The following GRB14 variants were observed in gnomAD, a reference collection of about 807,000 sequenced individuals.
The protein encoded by GRB14 is growth factor receptor bound protein 14.
In GRB14, 38 loss-of-function variants were observed where a neutral mutation model predicts 69.1. The observed-to-expected ratio is 0.55, with a 90% CI of 0.42 to 0.72. GRB14 has a LOEUF of 0.72. GRB14 is among the 30% of genes least tolerant of loss of function. The probability of loss-of-function intolerance (pLI) is 0.00; values close to 1 mark genes in which losing one functional copy is unlikely to be tolerated. For synonymous variants in GRB14, 247 were observed against 241.3 expected (o/e 1.02, Z -0.22); for missense variants, 666 against 666.1 (o/e 1.00, Z 0.00).
At chr2:164,558,340 A>G (rs997587770) in intron 2 of GRB14, among the ~76,000 whole-genome samples, 2 of 152,248 alleles carry the variant, frequency 1.3e-5, no homozygotes, top group African/African-American at 2.4e-5. Context: ...AGAAAAAAAG[A>G]TAAAAGAAAC....
At position 164,524,827 on chromosome 2, in the gene GRB14, A is replaced by G. The variant is rs1315481498; in HGVS notation, c.678+177T>C. On this transcript the variant is annotated intron_variant, in intron 5 of 13. Coordinates refer to ENST00000263915, the MANE Select transcript of GRB14 (RefSeq NM_004490.3). ...AAGAAGAATATTGTTAAAGAGCTTT[A>G]TTGATTTAGGACATTCTTTGCCTGG... Among the ~76,000 whole-genome samples the G allele has an allele frequency of 2.0e-5, 3 of 152,136 alleles. No homozygotes were observed. The East Asian group carries it at 5.8e-4, about 29-fold the overall frequency.
At chr2:164,555,925 TA>T (rs1328211964) in intron 2 of GRB14, among the ~76,000 whole-genome samples, 3 of 151,944 alleles carry the variant, frequency 2.0e-5, no homozygotes, top group Non-Finnish European at 4.4e-5. Context: ...TTTTCTTTAT[TA>T]TTTTTAATAG....
intron 2 of GRB14, among the ~76,000 whole-genome samples, chr2:164,552,472 A>G (rs1688567094): frequency 6.6e-6 from 1 of 152,162 alleles, no homozygotes; most frequent in African/African-American, 2.4e-5. Flanking sequence ...ATTAATTCCC[A>G]TTTTTATGCT....
chr2:164,556,529 CCT>C (rs1688681790), intron 2 of GRB14, among the ~76,000 whole-genome samples: 2 of 152,160 alleles, frequency 1.3e-5, no homozygotes, highest in South Asian at 4.1e-4. Context: ...ACAATCCTGT[CCT>C]CTGACTCCAA....
chr2:164,584,975 T>C (rs982342425), intron 2 of GRB14, among the ~76,000 whole-genome samples: 5 of 145,894 alleles, frequency 3.4e-5, no homozygotes, highest in African/African-American at 5.2e-5. Context: ...GGAGTCTCAC[T>C]CTGTTACCTA....
intron 2 of GRB14, among the ~76,000 whole-genome samples, chr2:164,584,974 C>T (rs2105341188): frequency 6.9e-6 from 1 of 144,282 alleles, no homozygotes; most frequent in African/African-American, 2.7e-5. Flanking sequence ...TGGAGTCTCA[C>T]TCTGTTACCT....
At chr2:164,541,654 C>G (rs1433714610) in intron 3 of GRB14, among the ~76,000 whole-genome samples, 1 of 151,776 alleles carries the variant, frequency 6.6e-6, no homozygotes, top group Non-Finnish European at 1.5e-5. Context: ...TAAATAGATA[C>G]TATGCCCTTC....
chr2:164,576,708 G>T (rs140137154), intron 2 of GRB14, among the ~76,000 whole-genome samples: 2 of 150,082 alleles, frequency 1.3e-5, no homozygotes, highest in Non-Finnish European at 3.0e-5. Flanking sequence ...TTAAATACAG[G>T]TATATTAAAC....
At chr2:164,534,550 C>A (rs989410342) in intron 3 of GRB14, among the ~76,000 whole-genome samples, 2 of 152,064 alleles carry the variant, frequency 1.3e-5, no homozygotes, top group Admixed American at 1.3e-4. Flanking sequence ...TGAAATGTTG[C>A]TGAAGACCAA....
chr2:164,492,477 TTCAAAATGGTTTAAAGCTACTATC>T lies in GRB14; in HGVS notation c.*535_*558del, dbSNP rs1208429947. The stretch of plus-strand genomic sequence containing the variant: ...AATTACCTGGAAAAAATCAACATAT[TTCAAAATGGTTTAAAGCTACTATC>T]TCAAAATATGATTTCATTTTAAGAT... On this transcript the variant is annotated 3_prime_UTR_variant, in exon 14 of 14. Transcript: ENST00000263915. Among the ~76,000 whole-genome samples the T allele has an allele frequency of 1.3e-5, 2 of 151,938 alleles. No individual in the cohort carries two copies. Among genetic ancestry groups the T allele is most frequent in the African/African-American group, 4.8e-5 (2 of 41,444 alleles).
chr2:164,577,790 A>G (rs918536658), intron 2 of GRB14, among the ~76,000 whole-genome samples: 1 of 152,216 alleles, frequency 6.6e-6, no homozygotes, highest in Non-Finnish European at 1.5e-5. Context: ...AAAGAATAAG[A>G]CTTTCTAAAA....
At chr2:164,617,005 TAG>T (rs1226301654) in intron 2 of GRB14, among the ~76,000 whole-genome samples, 1 of 152,194 alleles carries the variant, frequency 6.6e-6, no homozygotes, top group Non-Finnish European at 1.5e-5. Flanking sequence ...CTCACTTACA[TAG>T]AGTCATCTAT....
intron 2 of GRB14, among the ~76,000 whole-genome samples, chr2:164,550,352 T>C (rs1015800275): frequency 2.0e-5 from 3 of 152,206 alleles, no homozygotes; most frequent in Non-Finnish European, 4.4e-5. Flanking sequence ...TGAAAACCCA[T>C]ATAAGACTCT....
chr2:164,510,754 A>G (rs1687318766), intron 6 of GRB14, among the ~76,000 whole-genome samples: 1 of 152,188 alleles, frequency 6.6e-6, no homozygotes, highest in Non-Finnish European at 1.5e-5. Flanking sequence ...GGTGAGTCTC[A>G]GTCCTGGTGC....
chr2:164,543,927 CG>C (rs1688300933), intron 3 of GRB14, among the ~76,000 whole-genome samples: 1 of 152,124 alleles, frequency 6.6e-6, no homozygotes, highest in African/African-American at 2.4e-5. Flanking sequence ...CCTCTTACAT[CG>C]GTAAAGAACT....
chr2:164,574,028 T>G, intron 2 of GRB14: 2 of 1,381,530 alleles, frequency 1.4e-6, no homozygotes, highest in Non-Finnish European at 2.1e-6. Flanking sequence ...TAACATAGAT[T>G]GTTGCAGCAA....
At chr2:164,562,394 A>G (rs1251317214) in intron 2 of GRB14, among the ~76,000 whole-genome samples, 1 of 152,178 alleles carries the variant, frequency 6.6e-6, no homozygotes, top group East Asian at 1.9e-4. Flanking sequence ...TTTAATTCAA[A>G]TTAGAGACCT....
intron 13 of GRB14, among the ~76,000 whole-genome samples, chr2:164,493,626 AT>A (rs1483749729): frequency 6.6e-6 from 1 of 152,186 alleles, no homozygotes; most frequent in Non-Finnish European, 1.5e-5. Context: ...TGCTAATGGA[AT>A]GTCATTCTGT....
chr2:164,520,298 G>A (rs1584697), intron 6 of GRB14, among the ~76,000 whole-genome samples: 15,772 of 152,124 alleles, frequency 0.1, 960 homozygotes, highest in Middle Eastern at 0.17. Context: ...TAATTGGCAA[G>A]TCACATGTAG....
Sources: gnomAD v4.1 joint callset for allele counts (sites outside exome capture counted in the v4.1 genomes callset) on GRCh38, gnomAD v4.1.1 for gene constraint, MANE v1.5 for transcripts, NCBI Gene and HGNC (gene_info 2026-07-23, HGNC 2026-07-21) for gene names.